CBLN4: variants seen among roughly 807,000 people sequenced by gnomAD.
CBLN4 encodes cerebellin 4 precursor.
In CBLN4, 7 loss-of-function variants were observed where a neutral mutation model predicts 14.9. That is an observed-to-expected ratio of 0.47 (90% confidence interval 0.27 to 0.88). CBLN4 has a LOEUF of 0.88. CBLN4 is among the 40% of genes least tolerant of loss of function. The pLI, the probability that CBLN4 is intolerant of heterozygous loss-of-function variation, is 0.14. For synonymous variants in CBLN4, 131 were observed against 116.5 expected (o/e 1.12, Z -0.80); for missense variants, 188 against 256.8 (o/e 0.73, Z 1.83).
chr20:56,003,738 G>T, intron 1 of CBLN4, 143 bp downstream of exon 1: 1 of 855,732 alleles, frequency 1.2e-6, no homozygotes, highest in South Asian at 1.8e-5. Context: ...AGAAGTTTCA[G>T]ACCCAGGCAT....
chr20:56,004,554 T>A lies in CBLN4; in HGVS notation c.-383A>T. The A allele has an allele frequency of 5.7e-6, 1 of 175,906 alleles. No homozygotes were observed. Among genetic ancestry groups the A allele is most frequent in the African/African-American group, 2.4e-5 (1 of 42,480 alleles). 10.9% of individuals were successfully genotyped at this position (175,906 alleles called of 1,614,324 possible). On this transcript the variant is annotated 5_prime_UTR_variant, in exon 1 of 3. Transcript: ENST00000064571. This position sits in a 1 kb window ranked among gnomAD's most constrained non-coding sequence, Gnocchi z 6.1. ...ATAATAATAAATTCTCACCCCAAAC[T>A]CAAGCACCACCAGCTAAACCACGGA... is the stretch of plus-strand genomic sequence containing the variant.
Position 56,000,839 on chromosome 20 carries a change from C to T in CBLN4, c.300G>A (p.Val100=), listed in dbSNP as rs1024153937. 1.3e-6 allele frequency: 2 copies of T among 1,521,868 alleles called. No homozygotes were observed. The highest frequency in any genetic ancestry group is 2.8e-5 in the African/African-American group (2 of 71,680). The allele number at this position is 1,521,868 out of a possible 1,614,324, so 94.3% of individuals were successfully genotyped here. Residue 100 remains valine, a synonymous_variant, in exon 2 of 3, where the codon GTG becomes GTA. Transcript: ENST00000064571. Reference sequence around the variant, plus strand: ...CCAATGTGAAAAAATTACCCACATTCACCAGGATCTACAAATAAAAATAAT... The same window carrying T: ...CCAATGTGAAAAAATTACCCACATTTACCAGGATCTACAAATAAAAATAAT... ...TRIIYFDQIL[V]NVGNFFTLES... is the part of the protein sequence containing the mutation.
rs1986317093 is a variant in CBLN4, at chr20:55,998,501, A to G, written c.*56T>C. On this transcript the variant is annotated 3_prime_UTR_variant, in exon 3 of 3. Coordinates refer to ENST00000064571, the MANE Select transcript of CBLN4 (RefSeq NM_080617.6). ...CCAATGATGAAAAAATGATCTTCCA[A>G]TAACTCAGGAGTGGGTCATCCCTCA... 2.5e-6 allele frequency: 4 copies of G among 1,587,510 alleles called. No homozygotes were observed. Among genetic ancestry groups the G allele is most frequent in the Admixed American group, 3.4e-5 (2 of 58,860 alleles).
chr20:56,000,894 T>C lies in CBLN4; in HGVS notation c.292-47A>G, dbSNP rs763133066. On this transcript the variant is annotated intron_variant, in intron 1 of 2. Coordinates refer to ENST00000064571, the MANE Select transcript of CBLN4 (RefSeq NM_080617.6). Reference sequence around the variant, plus strand: ...AACAATAAGTTATTATATTTTCTTCTGTAACTAAAATGAATTTTCTTCCTC... The same window carrying C: ...AACAATAAGTTATTATATTTTCTTCCGTAACTAAAATGAATTTTCTTCCTC... 4.6e-5 allele frequency: 46 copies of C among 1,008,620 alleles called. 1 individual carries two copies. In the Admixed American group the frequency reaches 1.3e-3, roughly 27 times the overall value. The allele number at this position is 1,008,620 out of a possible 1,614,324, so 62.5% of individuals were successfully genotyped here. A position where few individuals can be genotyped will look rare whatever the true frequency, so the allele number is the denominator to read the frequency against.
At chr20:56,001,100 A>G (rs1214260800) in intron 1 of CBLN4, among the ~76,000 whole-genome samples, 1 of 152,174 alleles carries the variant, frequency 6.6e-6, no homozygotes, top group Non-Finnish European at 1.5e-5. Flanking sequence ...AATTGACTGG[A>G]ATACTGGAAG....
intron 1 of CBLN4, among the ~76,000 whole-genome samples, chr20:56,001,307 A>T (rs1045639049): frequency 2.0e-5 from 3 of 152,194 alleles, no homozygotes; most frequent in African/African-American, 7.2e-5. Flanking sequence ...AAGCCTTTGC[A>T]ATGTCCAGAG....
chr20:56,004,284 C>G lies in CBLN4; in HGVS notation c.-113G>C, dbSNP rs1454967804. 8.9e-7 allele frequency: 1 copy of G among 1,124,998 alleles called. No individual in the cohort carries two copies. Among genetic ancestry groups the G allele is most frequent in the Non-Finnish European group, 1.2e-6 (1 of 850,422 alleles). 69.7% of individuals were successfully genotyped at this position (1,124,998 alleles called of 1,614,324 possible). On this transcript the variant is annotated 5_prime_UTR_variant, in exon 1 of 3. Coordinates refer to ENST00000064571, the MANE Select transcript of CBLN4 (RefSeq NM_080617.6). The surrounding 1 kb of genome is among the most constrained non-coding windows in gnomAD (Gnocchi z 6.1). Reference sequence around the variant, plus strand: ...GCTAGCGGCTAGGTCGACAGCGCTGCAGGAGCGACGGCGGCGGCGGCGCGC... The same window carrying G: ...GCTAGCGGCTAGGTCGACAGCGCTGGAGGAGCGACGGCGGCGGCGGCGCGC...
chr20:56,003,595 C>G (rs1339995141), intron 1 of CBLN4, among the ~76,000 whole-genome samples: 1 of 152,134 alleles, frequency 6.6e-6, no homozygotes, highest in Non-Finnish European at 1.5e-5. Flanking sequence ...ACCTGTTGCT[C>G]GAAACTTGCC....
In CBLN4 at chr20:55,998,346, C is replaced by T. The variant is rs567187316; in HGVS notation, c.*211G>A. The T allele has an allele frequency of 6.8e-6, 4 of 585,530 alleles. No homozygotes were observed. In the African/African-American group the frequency reaches 7.4e-5, roughly 11 times the overall value. The allele number at this position is 585,530 out of a possible 1,614,324, so 36.3% of individuals were successfully genotyped here. A position where few individuals can be genotyped will look rare whatever the true frequency, so the allele number is the denominator to read the frequency against. On this transcript the variant is annotated 3_prime_UTR_variant, in exon 3 of 3. Transcript: ENST00000064571. ...TACATTTAAGCATAGGTATTATCTG[C>T]TTAGAGTCCCAATCCAAATATACTG...
intron 1 of CBLN4, among the ~76,000 whole-genome samples, chr20:56,001,955 TAA>T (rs888798840): frequency 3.3e-5 from 5 of 152,264 alleles, no homozygotes; most frequent in African/African-American, 7.2e-5. Context: ...TCAAAAATAA[TAA>T]GAGGTCCCTA....
At chr20:55,999,637 C>T (rs1055304541) in intron 2 of CBLN4, among the ~76,000 whole-genome samples, 1 of 151,752 alleles carries the variant, frequency 6.6e-6, no homozygotes, top group Non-Finnish European at 1.5e-5. Flanking sequence ...CAGAGAAAAA[C>T]CAAAAAATAA....
At chr20:56,000,014 T>C (rs1895486909) in intron 2 of CBLN4, among the ~76,000 whole-genome samples, 2 of 152,262 alleles carry the variant, frequency 1.3e-5, no homozygotes, top group Admixed American at 1.3e-4. Context: ...ATACTGAGCA[T>C]AAGATAAAAG....
At chr20:55,998,920 A>G (rs1229186086) in intron 2 of CBLN4, among the ~76,000 whole-genome samples, 166 bp from the exon 3 acceptor site, 1 of 152,068 alleles carries the variant, frequency 6.6e-6, no homozygotes, top group Non-Finnish European at 1.5e-5. Context: ...CATACTTCAC[A>G]TGTCTGCTGA....
intron 1 of CBLN4, 54 bp from the exon 2 acceptor site, chr20:56,000,901 A>C: frequency 1.1e-6 from 1 of 921,214 alleles, no homozygotes; most frequent in Non-Finnish European, 1.5e-6. Context: ...TTCTGTAACT[A>C]AAATGAATTT....
In CBLN4 at chr20:56,003,701, G is replaced by T. The variant is rs541832041; in HGVS notation, c.291+180C>A. Among the ~76,000 whole-genome samples the T allele has an allele frequency of 3.3e-5, 5 of 152,298 alleles. No homozygotes were observed. The South Asian group carries it at 6.2e-4, about 19-fold the overall frequency. On this transcript the variant is annotated intron_variant, in intron 1 of 2. Transcript: ENST00000064571. ...CCCGGAAGAAATGGGAGCCGGGGCT[G>T]GTGAGAGGGGTAGGAAGAGGGACGG...
chr20:56,000,896 T>C (rs767332623), intron 1 of CBLN4, 49 bp from the exon 2 acceptor site: 1 of 978,210 alleles, frequency 1.0e-6, no homozygotes, highest in South Asian at 2.4e-5. Flanking sequence ...TTTTCTTCTG[T>C]AACTAAAATG....
intron 1 of CBLN4, 121 bp from the exon 2 acceptor site, chr20:56,000,968 T>A (rs1986358856): frequency 2.2e-6 from 1 of 448,042 alleles, no homozygotes; most frequent in Non-Finnish European, 3.8e-6. Flanking sequence ...CTTCATTCCT[T>A]CCTTCCTCTT....
intron 1 of CBLN4, among the ~76,000 whole-genome samples, chr20:56,002,703 C>A (rs1240461848): frequency 2.0e-5 from 3 of 152,206 alleles, no homozygotes; most frequent in African/African-American, 7.2e-5. Context: ...CCAAATGGAG[C>A]TACTTAATTC....
intron 1 of CBLN4, among the ~76,000 whole-genome samples, chr20:56,002,437 T>C (rs1206167024): frequency 1.3e-5 from 2 of 152,234 alleles, no homozygotes; most frequent in African/African-American, 4.8e-5. Flanking sequence ...GACTCTACAC[T>C]GTAATTGGAG....
Sources: gnomAD v4.1 joint callset for allele counts (sites outside exome capture counted in the v4.1 genomes callset) on GRCh38, gnomAD v4.1.1 for gene constraint, Gnocchi (gnomAD v3.1) non-coding constraint, MANE v1.5 for transcripts, NCBI Gene and HGNC (gene_info 2026-07-23, HGNC 2026-07-21) for gene names.